Variants in CMIP observed in about 807,000 individuals in gnomAD.
CMIP encodes c-Maf inducing protein, also known as C-Maf-inducing protein.
CMIP carries 13 observed loss-of-function variants against 97.3 expected under a neutral mutation model. The ratio of observed to expected loss-of-function variants is 0.13; its 90% CI spans 0.09 to 0.21. The LOEUF (loss-of-function observed/expected upper bound fraction) is 0.21. Ranked by LOEUF, CMIP falls within the 10% of genes least tolerant of loss-of-function variation. The pLI is 1.00. For synonymous variants in CMIP, 538 were observed against 436.3 expected (o/e 1.23, Z -2.91); for missense variants, 847 against 1,024.9 (o/e 0.83, Z 2.37).
chr16:81,596,533 A>G (rs967303451), intron 1 of CMIP, among the ~76,000 whole-genome samples: 14 of 151,580 alleles, frequency 9.2e-5, no homozygotes, highest in South Asian at 2.1e-4. Flanking sequence ...AAAAATTTCA[A>G]TTGGAACATT....
chr16:81,512,260 C>A (rs2089827400), intron 1 of CMIP, among the ~76,000 whole-genome samples: 1 of 152,164 alleles, frequency 6.6e-6, no homozygotes, highest in African/African-American at 2.4e-5. Context: ...TTTCTGTGCA[C>A]TTCCAGTTGC....
chr16:81,645,351 C>T (rs894561318), intron 3 of CMIP: 6 of 1,416,078 alleles, frequency 4.2e-6, no homozygotes, highest in Non-Finnish European at 5.5e-6. Flanking sequence ...AGCATGCGTG[C>T]TTGGGTGTGT....
intron 1 of CMIP, among the ~76,000 whole-genome samples, chr16:81,539,039 C>T (rs1198146640): frequency 4.6e-5 from 7 of 152,126 alleles, no homozygotes; most frequent in Non-Finnish European, 2.9e-5. Flanking sequence ...TTAGATAGTG[C>T]CGAGGAAGAG....
At chr16:81,491,444 G>A (rs1364163223) in intron 1 of CMIP, among the ~76,000 whole-genome samples, 1 of 152,224 alleles carries the variant, frequency 6.6e-6, no homozygotes, top group Non-Finnish European at 1.5e-5. Flanking sequence ...AAGATTATGT[G>A]TGGGAAAGCC....
At chr16:81,688,118 C>G (rs1905621272) in intron 10 of CMIP, among the ~76,000 whole-genome samples, 2 of 152,220 alleles carry the variant, frequency 1.3e-5, no homozygotes, top group Non-Finnish European at 2.9e-5. Context: ...GGGTGACACC[C>G]TGGTGCCTGG....
rs539513282 is a variant in CMIP, at chr16:81,662,599, C to G, written c.744+1653C>G. Among the ~76,000 whole-genome samples the G allele has an allele frequency of 5.3e-5, 8 of 152,274 alleles. No homozygotes were observed. The East Asian group carries it at 1.5e-3, about 29-fold the overall frequency. ...CGCGCTGCGTCCGCTCTGCCAAACT[C>G]CTGCCAAATTCCAAGATCTGAGGAA... On this transcript the variant is annotated intron_variant, in intron 6 of 20. Transcript: ENST00000537098.
chr16:81,542,762 A>C (rs967507873), intron 1 of CMIP, among the ~76,000 whole-genome samples: 8 of 152,106 alleles, frequency 5.3e-5, no homozygotes, highest in Non-Finnish European at 1.0e-4. Context: ...TTATCCTGTC[A>C]TGGGGGCCCC....
At chr16:81,565,670 C>T (rs575803665) in intron 1 of CMIP, among the ~76,000 whole-genome samples, 52 of 152,234 alleles carry the variant, frequency 3.4e-4, no homozygotes, top group African/African-American at 1.2e-3. Flanking sequence ...CTCATGGCAG[C>T]GGGGCAGGGG....
intron 15 of CMIP, among the ~76,000 whole-genome samples, chr16:81,701,283 C>A (rs964501788): frequency 1.3e-5 from 2 of 152,170 alleles, no homozygotes; most frequent in African/African-American, 4.8e-5. Flanking sequence ...TGAGCACCTA[C>A]TTCATGACAG....
chr16:81,455,224 G>A (rs1264387202), intron 1 of CMIP, among the ~76,000 whole-genome samples: 1 of 152,206 alleles, frequency 6.6e-6, no homozygotes, highest in Admixed American at 6.5e-5. Context: ...GGACCAGGCA[G>A]TTAGTCACAG....
chr16:81,613,104 C>T (rs1377792736), intron 2 of CMIP, among the ~76,000 whole-genome samples: 1 of 152,170 alleles, frequency 6.6e-6, no homozygotes, highest in Non-Finnish European at 1.5e-5. Context: ...AGTAGACAAG[C>T]CAAAGGAACG....
intron 5 of CMIP, among the ~76,000 whole-genome samples, chr16:81,659,637 G>T (rs1230636650): frequency 1.3e-5 from 2 of 152,192 alleles, no homozygotes; most frequent in African/African-American, 4.8e-5. Flanking sequence ...ACACCTGTGG[G>T]TCCCACTGAG....
At chr16:81,651,378 C>A in intron 3 of CMIP, 1 of 968,738 alleles carries the variant, frequency 1.0e-6, no homozygotes, top group Non-Finnish European at 1.2e-6. Flanking sequence ...AGGGAGGCAG[C>A]AGCCCCTGTC....
intron 1 of CMIP, among the ~76,000 whole-genome samples, chr16:81,541,694 C>T (rs1243509409): frequency 1.3e-5 from 2 of 152,254 alleles, no homozygotes; most frequent in Non-Finnish European, 1.5e-5. Flanking sequence ...CCCTACAAAA[C>T]AACCGATGTT....
At position 81,656,897 on chromosome 16, in the gene CMIP, C is replaced by G. The variant is rs960883840; in HGVS notation, c.640-878C>G. 1.2e-4 allele frequency among the ~76,000 whole-genome samples: 19 copies of G among 152,282 alleles called. No homozygotes were observed. The East Asian group carries it at 1.7e-3, about 14-fold the overall frequency. On this transcript the variant is annotated intron_variant, in intron 4 of 20. Coordinates refer to ENST00000537098, the MANE Select transcript of CMIP (RefSeq NM_198390.3). ...TCAGCCTCCCAAAGTGCTGGGATTA[C>G]AGGCATGGGAGCCACCATGCCTGGC...
chr16:81,475,902 G>C (rs1907879607), intron 1 of CMIP: 2 of 383,098 alleles, frequency 5.2e-6, no homozygotes, highest in South Asian at 4.3e-5. Context: ...CAGGAGAATG[G>C]CATGAACCCG....
At position 81,699,708 on chromosome 16, in the gene CMIP, T is replaced by C. The variant is rs1907173539; in HGVS notation, c.1662T>C (p.Cys554=). ...AGGTGCACATCCTCATGGGCTCCTG[T>C]TACAAGACCAAAAAATTCCTGCTCT... The part of the protein sequence containing the change: ...ASMVHILMGS[C]YKTKKFLLSL... Residue 554 remains cysteine (C), a synonymous_variant, in exon 15 of 21, where the codon TGT becomes TGC. Coordinates refer to ENST00000537098, the MANE Select transcript of CMIP (RefSeq NM_198390.3). 6.2e-7 allele frequency: 1 copy of C among 1,613,386 alleles called. No homozygotes were observed. Among genetic ancestry groups the C allele is most frequent in the African/African-American group, 1.3e-5 (1 of 74,900 alleles).
At chr16:81,542,421 T>C (rs7191922) in intron 1 of CMIP, among the ~76,000 whole-genome samples, 12,935 of 152,024 alleles carry the variant, frequency 0.085, 1,805 homozygotes, top group African/African-American at 0.3. Context: ...ATGGCGTAGG[T>C]TGGGAGATTG....
At chr16:81,546,857 T>G (rs756971800) in intron 1 of CMIP, among the ~76,000 whole-genome samples, 1 of 152,174 alleles carries the variant, frequency 6.6e-6, no homozygotes, top group African/African-American at 2.4e-5. Flanking sequence ...AAATTCAGCT[T>G]GTGAGGCACG....
Sources: allele counts gnomAD v4.1 joint callset (sites outside exome capture counted in the v4.1 genomes callset), GRCh38; gene constraint gnomAD v4.1.1; transcripts MANE v1.5; gene names NCBI Gene and HGNC (gene_info 2026-07-23, HGNC 2026-07-21).